Variants in ZBTB16 observed in about 807,000 individuals in gnomAD.
ZBTB16 encodes the protein zinc finger and BTB domain-containing protein 16.
A neutral mutation model predicts 56.8 loss-of-function variants in ZBTB16; 8 were observed. The ratio of observed to expected loss-of-function variants is 0.14; its 90% CI spans 0.08 to 0.25. The LOEUF (loss-of-function observed/expected upper bound fraction) is 0.25, where lower values mean the gene tolerates loss of function less well. ZBTB16 is among the 10% of genes least tolerant of loss of function. The pLI, the probability that ZBTB16 is intolerant of heterozygous loss-of-function variation, is 1.00. For synonymous variants in ZBTB16, 363 were observed against 368.5 expected, an observed-to-expected ratio of 0.98 and a Z score of 0.17; for missense variants, 625 against 903.0, an observed-to-expected ratio of 0.69 and a Z score of 3.95.
intron 2 of ZBTB16, among the ~76,000 whole-genome samples, chr11:114,124,462 G>A (rs1941434113): frequency 1.4e-5 from 2 of 147,124 alleles, no homozygotes; most frequent in African/African-American, 2.5e-5. Flanking sequence ...GAATTGAGGT[G>A]TTCTGGAATT....
chr11:114,124,936 C>T (rs1158126946), intron 2 of ZBTB16, among the ~76,000 whole-genome samples: 1 of 152,074 alleles, frequency 6.6e-6, no homozygotes, highest in Non-Finnish European at 1.5e-5. Context: ...TTTGGGGAGG[C>T]ATGGTCATGC....
chr11:114,184,833 C>T (rs1943326456), intron 3 of ZBTB16, among the ~76,000 whole-genome samples: 2 of 152,016 alleles, frequency 1.3e-5, no homozygotes, highest in South Asian at 2.1e-4. Flanking sequence ...AGTTCTGGCT[C>T]GTACGAGGCT....
intron 2 of ZBTB16, among the ~76,000 whole-genome samples, chr11:114,154,837 T>C (rs747760542): frequency 2.0e-5 from 3 of 152,186 alleles, no homozygotes; most frequent in Non-Finnish European, 4.4e-5. Flanking sequence ...AGAGCTCTGC[T>C]GAGAGAACTT....
intron 2 of ZBTB16, among the ~76,000 whole-genome samples, chr11:114,073,971 T>C (rs1280074446): frequency 6.6e-6 from 1 of 152,178 alleles, no homozygotes; most frequent in African/African-American, 2.4e-5. Flanking sequence ...AAGACTGACG[T>C]CTGATGGACT....
At chr11:114,158,286 G>C (rs1247687308) in intron 3 of ZBTB16, among the ~76,000 whole-genome samples, 1 of 152,190 alleles carries the variant, frequency 6.6e-6, no homozygotes, top group Non-Finnish European at 1.5e-5. Context: ...CTCAGCCGCA[G>C]TAAGCGTCCT....
intron 4 of ZBTB16, among the ~76,000 whole-genome samples, chr11:114,210,196 T>TGTGTGTGTGTGC (rs1217175270): frequency 6.6e-6 from 1 of 151,156 alleles, no homozygotes; most frequent in African/African-American, 2.4e-5. Context: ...TGTGTGTGCG[T>TGTGTGTGTGTGC]GCGCGCGCGT....
chr11:114,156,884 C>T (rs767650482), intron 3 of ZBTB16, among the ~76,000 whole-genome samples: 3 of 152,196 alleles, frequency 2.0e-5, no homozygotes, highest in East Asian at 1.9e-4. Flanking sequence ...CTATTGAGGT[C>T]GACTGTGTGG....
chr11:114,100,029 C>T (rs80192346), intron 2 of ZBTB16, among the ~76,000 whole-genome samples: 5 of 152,310 alleles, frequency 3.3e-5, no homozygotes, highest in African/African-American at 9.6e-5. Context: ...CATGAGCTCC[C>T]TTTTAGAGCA....
chr11:114,204,371 C>T (rs1346534544), intron 4 of ZBTB16, among the ~76,000 whole-genome samples: 4 of 152,224 alleles, frequency 2.6e-5, no homozygotes, highest in Admixed American at 6.5e-5. Context: ...AACTCCTGAC[C>T]TCAGGTGATC....
intron 2 of ZBTB16, among the ~76,000 whole-genome samples, chr11:114,137,519 G>A (rs933861241): frequency 6.6e-6 from 1 of 152,168 alleles, no homozygotes; most frequent in Non-Finnish European, 1.5e-5. Flanking sequence ...TGTTCCAGTG[G>A]CAATTAAGTA....
intron 3 of ZBTB16, among the ~76,000 whole-genome samples, chr11:114,184,638 C>G (rs1189282471): frequency 6.6e-6 from 1 of 152,186 alleles, no homozygotes; most frequent in Non-Finnish European, 1.5e-5. Context: ...AAGTGCTTAA[C>G]CTCTCTGAGC....
At position 114,143,511 on chromosome 11, in the gene ZBTB16, G is replaced by T. The variant is rs1942016528; in HGVS notation, c.1269-12826G>T. 6.6e-6 allele frequency among the ~76,000 whole-genome samples: 1 copy of T among 152,170 alleles called. No individual in the cohort carries two copies. The highest frequency in any genetic ancestry group is 1.5e-5 in the Non-Finnish European group (1 of 68,040). On this transcript the variant is annotated intron_variant, in intron 2 of 6. Coordinates refer to ENST00000335953, the MANE Select transcript of ZBTB16 (RefSeq NM_006006.6). This position sits in a 1 kb window ranked among gnomAD's most constrained non-coding sequence, Gnocchi z 6.4. Reference sequence around the variant, plus strand: ...TACTGACCCTCTTGCCTAGTGAAATGTCCTTTTGGAAGTATCAGGTTCCTG... The same window carrying T: ...TACTGACCCTCTTGCCTAGTGAAATTTCCTTTTGGAAGTATCAGGTTCCTG...
At chr11:114,069,107 A>T (rs1379574804) in intron 2 of ZBTB16, among the ~76,000 whole-genome samples, 1 of 152,050 alleles carries the variant, frequency 6.6e-6, no homozygotes. Flanking sequence ...GTTTTTGGAG[A>T]TGGAGTCTCG....
chr11:114,159,641 G>A (rs542308111), intron 3 of ZBTB16, among the ~76,000 whole-genome samples: 1 of 152,248 alleles, frequency 6.6e-6, no homozygotes, highest in East Asian at 1.9e-4. Flanking sequence ...TGGACTTGTT[G>A]GGGAGTTGGG....
chr11:114,123,034 C>T lies in ZBTB16; in HGVS notation c.1269-33303C>T, dbSNP rs973905032. ...GGCTCTTTTTCTAGCTTGTTGATGG[C>T]CTCCTTCTCGCCGAGTCCTCCCAGG... On this transcript the variant is annotated intron_variant, in intron 2 of 6. Transcript: ENST00000335953. Among the ~76,000 whole-genome samples the T allele has an allele frequency of 5.9e-5, 9 of 152,206 alleles. No individual in the cohort carries two copies. In the East Asian group the frequency reaches 1.7e-3, roughly 29 times the overall value.
chr11:114,102,555 C>T (rs191526285), intron 2 of ZBTB16, among the ~76,000 whole-genome samples: 54 of 150,888 alleles, frequency 3.6e-4, no homozygotes, highest in Admixed American at 1.6e-3. Context: ...CCCCACCCCC[C>T]GGCTGCCCCT....
rs1358471710 is a variant in ZBTB16, at chr11:114,248,940, C to T, written c.1793-1386C>T. Among the ~76,000 whole-genome samples, 9 of 152,064 alleles carry T rather than the reference C, an allele frequency of 5.9e-5. No individual in the cohort carries two copies. In the South Asian group the frequency reaches 6.2e-4, roughly 11 times the overall value. On this transcript the variant is annotated intron_variant, in intron 6 of 6. Transcript: ENST00000335953. ...TTCATTATTTGCTGGGGCCTGTGCG[C>T]GGGGGAGTATTGATAGCGAGATGGC...
chr11:114,117,106 G>A (rs1478918199), intron 2 of ZBTB16, among the ~76,000 whole-genome samples: 2 of 152,130 alleles, frequency 1.3e-5, no homozygotes, highest in African/African-American at 2.4e-5. Context: ...TAGACCAGAG[G>A]GAAAGGCATT....
chr11:114,103,741 C>T (rs555985243), intron 2 of ZBTB16, among the ~76,000 whole-genome samples: 7 of 152,084 alleles, frequency 4.6e-5, no homozygotes, highest in Non-Finnish European at 8.8e-5. Context: ...TTTAACCCAT[C>T]CTGGATTCCT....
Sources: gnomAD v4.1 joint callset for allele counts (sites outside exome capture counted in the v4.1 genomes callset) on GRCh38, gnomAD v4.1.1 for gene constraint, Gnocchi (gnomAD v3.1) non-coding constraint, MANE v1.5 for transcripts, NCBI Gene and HGNC (gene_info 2026-07-23, HGNC 2026-07-21) for gene names.